Variants in ANKHD1 observed in about 807,000 individuals in gnomAD.
ANKHD1 encodes the protein ankyrin repeat and KH domain containing 1, also known as ankyrin repeat and KH domain-containing protein 1.
ANKHD1 carries 31 observed loss-of-function variants against 230.5 expected under a neutral mutation model. The ratio of observed to expected loss-of-function variants is 0.13; its 90% CI spans 0.10 to 0.18. The LOEUF is 0.18. Among genes scored for constraint, ANKHD1 ranks in the 10% least tolerant of loss-of-function variants. The pLI is 1.00. For synonymous variants in ANKHD1, 1,074 were observed against 1,117.6 expected, an observed-to-expected ratio of 0.96 and a Z score of 0.78; for missense variants, 2,256 against 3,071.3, an observed-to-expected ratio of 0.73 and a Z score of 6.27.
intron 7 of ANKHD1, among the ~76,000 whole-genome samples, chr5:140,454,595 C>G (rs1271296323): frequency 6.6e-6 from 1 of 152,180 alleles, no homozygotes; most frequent in Non-Finnish European, 1.5e-5. Flanking sequence ...AACTGAACAA[C>G]CTGCTCCTGA....
At chr5:140,476,308 G>A (rs74545968) in intron 10 of ANKHD1, among the ~76,000 whole-genome samples, 4,101 of 152,190 alleles carry the variant, frequency 0.027, 199 homozygotes, top group African/African-American at 0.095. Context: ...ATGGAGGGGA[G>A]AGGAAATGTT....
In ANKHD1 at chr5:140,436,226, G is replaced by A. The variant is rs1773436541; in HGVS notation, c.429G>A (p.Gln143=). ...TACGCACTGTGGATCCAGAGACACAGGCACGACTAGAAGCATTGCTAGAAG... is the reference window on the plus strand; with the variant it reads ...TACGCACTGTGGATCCAGAGACACAAGCACGACTAGAAGCATTGCTAGAAG... ...ADLRTVDPET[Q]ARLEALLEAA... Residue 143 remains glutamine, a synonymous_variant, in exon 2 of 34, where the codon CAG becomes CAA. Transcript: ENST00000360839. 3.1e-6 allele frequency: 5 copies of A among 1,591,326 alleles called. No homozygotes were observed. Among genetic ancestry groups the A allele is most frequent in the South Asian group, 1.2e-5 (1 of 86,536 alleles).
intron 6 of ANKHD1, among the ~76,000 whole-genome samples, chr5:140,448,938 T>C (rs187770211): frequency 2.0e-5 from 3 of 152,330 alleles, no homozygotes; most frequent in Admixed American, 2.0e-4. Flanking sequence ...AATTTATGTA[T>C]TTTCAACCAA....
At chr5:140,452,598 C>A (rs931029339) in intron 7 of ANKHD1, among the ~76,000 whole-genome samples, 2 of 152,096 alleles carry the variant, frequency 1.3e-5, no homozygotes, top group Admixed American at 6.5e-5. Context: ...CTGCTGATAC[C>A]CAGGCAAACG....
intron 1 of ANKHD1, among the ~76,000 whole-genome samples, chr5:140,433,445 A>C (rs561865840): frequency 2.0e-5 from 3 of 152,238 alleles, no homozygotes; most frequent in South Asian, 4.1e-4. Context: ...CCTATGTCTA[A>C]CTACCTATTG....
Position 140,449,248 on chromosome 5 carries a change from T to C in ANKHD1, c.1185T>C (p.Gly395=). The change falls in exon 7 of 34, where the codon GGT becomes GGC. Residue 395 remains glycine (G), a synonymous_variant. Coordinates refer to ENST00000360839, the MANE Select transcript of ANKHD1 (RefSeq NM_017747.3). Reference sequence around the variant, plus strand: ...TGGTTCGCTTTCTACTTGAAGCTGGTGCAGATCAAGAGCACAAAACAGATG... The same window carrying C: ...TGGTTCGCTTTCTACTTGAAGCTGGCGCAGATCAAGAGCACAAAACAGATG... ...LDMVRFLLEA[G]ADQEHKTDEM... 6.2e-7 allele frequency: 1 copy of C among 1,613,808 alleles called. No individual in the cohort carries two copies. Among genetic ancestry groups the C allele is most frequent in the Non-Finnish European group, 8.5e-7 (1 of 1,179,814 alleles).
At chr5:140,482,839 G>A (rs1439327778) in intron 11 of ANKHD1, among the ~76,000 whole-genome samples, 172 bp downstream of exon 11, 1 of 152,104 alleles carries the variant, frequency 6.6e-6, no homozygotes, top group Non-Finnish European at 1.5e-5. Context: ...TGTTTACTGG[G>A]AATTTTCTTT....
chr5:140,508,763 C>G (rs1367621264), intron 20 of ANKHD1, among the ~76,000 whole-genome samples: 1 of 110,918 alleles, frequency 9.0e-6, no homozygotes, highest in Non-Finnish European at 1.7e-5. Flanking sequence ...TCCCACCCCC[C>G]GCCCCCACAA....
chr5:140,508,846 A>G (rs1212294733), intron 20 of ANKHD1, among the ~76,000 whole-genome samples: 1 of 150,124 alleles, frequency 6.7e-6, no homozygotes, highest in Admixed American at 6.8e-5. Context: ...GAGGAAAGAA[A>G]ATAGGAGTTA....
chr5:140,421,891 A>C (rs1447763877), intron 1 of ANKHD1, among the ~76,000 whole-genome samples: 6 of 152,208 alleles, frequency 3.9e-5, no homozygotes, highest in Non-Finnish European at 8.8e-5. Flanking sequence ...GATTTGACCT[A>C]TTACCAACCC....
intron 29 of ANKHD1, among the ~76,000 whole-genome samples, chr5:140,530,888 T>C (rs1272506537): frequency 6.6e-6 from 1 of 152,294 alleles, no homozygotes; most frequent in Non-Finnish European, 1.5e-5. Flanking sequence ...TTGTGAGTTA[T>C]GAATATGGCG....
Position 140,528,804 on chromosome 5 carries a change from G to A in ANKHD1, c.5858G>A (p.Arg1953Gln), listed in dbSNP as rs1436807955. 1.7e-5 allele frequency: 27 copies of A among 1,613,822 alleles called. No homozygotes were observed. The highest frequency in any genetic ancestry group is 2.2e-5 in the Non-Finnish European group (26 of 1,180,022). The change falls in exon 29 of 34, where the codon CGG (arginine) becomes CAG (glutamine). Residue 1953 changes from arginine to glutamine, a missense_variant. Physicochemically the swap from Arg to Gln is conservative, Grantham distance 43 (BLOSUM62 1). This residue lies in a region of ANKHD1 where 778 missense variants were observed against 966.5 expected (regional missense o/e 0.80). Coordinates refer to ENST00000360839, the MANE Select transcript of ANKHD1 (RefSeq NM_017747.3). ...CAGCAACTGTGTGTCACTAATACCC[G>A]GACTCCTTCATCAGTCAGAAAGCAG... ...ASQQLCVTNT[R>Q]TPSSVRKQLF...
intron 5 of ANKHD1, 136 bp downstream of exon 5, chr5:140,441,278 T>A: frequency 8.3e-7 from 1 of 1,197,944 alleles, no homozygotes; most frequent in Non-Finnish European, 1.1e-6. Context: ...AATCTTTGAG[T>A]AAAATACAAA....
At chr5:140,428,818 T>C (rs977399915) in intron 1 of ANKHD1, among the ~76,000 whole-genome samples, 3 of 152,084 alleles carry the variant, frequency 2.0e-5, no homozygotes, top group African/African-American at 7.3e-5. Context: ...AGTCTTGCTC[T>C]GTTGCCCAGG....
intron 10 of ANKHD1, among the ~76,000 whole-genome samples, chr5:140,481,830 C>G (rs937207320): frequency 2.6e-5 from 4 of 151,912 alleles, no homozygotes; most frequent in Non-Finnish European, 4.4e-5. Context: ...GAGAACTTTT[C>G]AAAGAAGCAG....
At chr5:140,518,610 C>T (rs1380665904) in intron 24 of ANKHD1, among the ~76,000 whole-genome samples, 1 of 150,344 alleles carries the variant, frequency 6.7e-6, no homozygotes, top group African/African-American at 2.4e-5. Context: ...GGGCTTCATC[C>T]CTGGGATGCA....
At chr5:140,450,404 G>A (rs973040035) in intron 7 of ANKHD1, among the ~76,000 whole-genome samples, 4 of 150,512 alleles carry the variant, frequency 2.7e-5, no homozygotes, top group Non-Finnish European at 4.4e-5. Context: ...AGTGATTCTC[G>A]TGCATCAGCC....
chr5:140,525,941 ATTTGT>A (rs1007786103), intron 25 of ANKHD1, 50 bp from the exon 26 acceptor site: 5 of 1,510,554 alleles, frequency 3.3e-6, no homozygotes, highest in South Asian at 2.8e-5. Context: ...TTCTGTCAGA[ATTTGT>A]TTTGAGATCT....
At chr5:140,475,878 C>G (rs1007398326) in intron 10 of ANKHD1, among the ~76,000 whole-genome samples, 1 of 152,146 alleles carries the variant, frequency 6.6e-6, no homozygotes, top group African/African-American at 2.4e-5. Flanking sequence ...GAGAGCGAAT[C>G]TTTATCAAGA....
Sources: gnomAD v4.1 joint callset for allele counts (sites outside exome capture counted in the v4.1 genomes callset) on GRCh38, gnomAD v4.1.1 for gene constraint, gnomAD v4.1.1 regional missense constraint, MANE v1.5 for transcripts, NCBI Gene and HGNC (gene_info 2026-07-23, HGNC 2026-07-21) for gene names.